The following HERC1 variants were observed in gnomAD, a reference collection of about 807,000 sequenced individuals.
HERC1 encodes probable E3 ubiquitin-protein ligase HERC1.
HERC1 carries 160 observed loss-of-function variants against 554.3 expected under a neutral mutation model. The ratio of observed to expected loss-of-function variants is 0.29; its 90% CI spans 0.25 to 0.33. The LOEUF (loss-of-function observed/expected upper bound fraction) is 0.33. Among genes scored for constraint, HERC1 ranks in the 10% least tolerant of loss-of-function variants. HERC1 has a pLI of 1.00. For synonymous variants in HERC1, 2,175 were observed against 2,131.7 expected (o/e 1.02, Z -0.56); for missense variants, 4,919 against 5,918.5 (o/e 0.83, Z 5.54).
In HERC1 at chr15:63,645,057, G is replaced by C. The variant is rs1595883586; in HGVS notation, c.11119C>G (p.Gln3707Glu). 6.2e-7 allele frequency: 1 copy of C among 1,613,802 alleles called. No individual in the cohort carries two copies. The change falls in exon 57 of 78, where the codon CAA becomes GAA. Residue 3707 changes from glutamine (Q) to glutamate (E), a missense_variant. Around this residue, in one of 11 missense-constraint regions of HERC1, gnomAD observed 1,963 missense variants for 2,228.6 expected, o/e 0.88. Transcript: ENST00000443617. ...GTCACATTGGTCTGTGTAGTATCTT[G>C]AGGAATGCGCCAAACACATACTAAG... The part of the protein sequence containing the change: ...SGLVCVWRIP[Q>E]DTTQTNVTSA...
In HERC1 at chr15:63,718,094, A is replaced by AC. The variant is rs1309934257; in HGVS notation, c.3978+479dup. ...GGCAGCTATTATGTGACACACACAC[A>AC]CACACACACACACACACACACACAC... is the stretch of plus-strand genomic sequence containing the variant. On this transcript the variant is annotated intron_variant, in intron 21 of 77. Coordinates refer to ENST00000443617, the MANE Select transcript of HERC1 (RefSeq NM_003922.4). This position sits in a 1 kb window ranked among gnomAD's most constrained non-coding sequence, Gnocchi z 4.2. Among the ~76,000 whole-genome samples the AC allele has an allele frequency of 4.1e-5, 4 of 97,268 alleles. No individual in the cohort carries two copies. Among genetic ancestry groups the AC allele is most frequent in the African/African-American group, 1.6e-4 (4 of 25,344 alleles). 63.8% of individuals were successfully genotyped at this position (97,268 alleles called of 152,430 possible).
chr15:63,687,600 G>A (rs2071848399), intron 33 of HERC1, among the ~76,000 whole-genome samples: 2 of 152,044 alleles, frequency 1.3e-5, no homozygotes, highest in African/African-American at 4.8e-5. Context: ...CATTTATTAA[G>A]CATCTCTATT....
intron 8 of HERC1, among the ~76,000 whole-genome samples, chr15:63,750,834 G>A (rs2075215158): frequency 2.0e-5 from 3 of 152,162 alleles, no homozygotes; most frequent in African/African-American, 7.2e-5. Flanking sequence ...TCGGGAGCTG[G>A]GATGGGGAAG....
chr15:63,717,495 A>T (rs755210169), intron 21 of HERC1, among the ~76,000 whole-genome samples: 17 of 152,254 alleles, frequency 1.1e-4, no homozygotes, highest in Non-Finnish European at 1.8e-4. Context: ...CATGTTATCA[A>T]GATTACCAAG....
chr15:63,798,515 A>G (rs1181668944), intron 1 of HERC1, among the ~76,000 whole-genome samples: 1 of 151,358 alleles, frequency 6.6e-6, no homozygotes, highest in African/African-American at 2.4e-5. Context: ...TTCACTTACT[A>G]AAGTCCTTCC....
At chr15:63,662,577 A>G (rs145632417) in intron 44 of HERC1, among the ~76,000 whole-genome samples, 45 of 152,346 alleles carry the variant, frequency 3.0e-4, no homozygotes, top group African/African-American at 9.9e-4. Flanking sequence ...GGTTCCTAGA[A>G]TAAGGCATTA....
intron 3 of HERC1, among the ~76,000 whole-genome samples, chr15:63,763,408 A>C (rs994334882): frequency 3.3e-5 from 5 of 152,186 alleles, no homozygotes; most frequent in Non-Finnish European, 5.9e-5. Flanking sequence ...AATTTATAGG[A>C]AATACAGAGG....
At chr15:63,773,808 G>A (rs1031353160) in intron 2 of HERC1, among the ~76,000 whole-genome samples, 1 of 152,078 alleles carries the variant, frequency 6.6e-6, no homozygotes, top group African/African-American at 2.4e-5. Flanking sequence ...CTTCCCAAAA[G>A]TGCTGGGATT....
At chr15:63,720,361 A>G (rs1175163652) in intron 19 of HERC1, among the ~76,000 whole-genome samples, 1 of 152,006 alleles carries the variant, frequency 6.6e-6, no homozygotes, top group East Asian at 1.9e-4. Flanking sequence ...TGGGAGAGTT[A>G]TTGTCCACCC....
At chr15:63,638,657 A>G in intron 62 of HERC1, 54 bp downstream of exon 62, 1 of 1,587,808 alleles carries the variant, frequency 6.3e-7, no homozygotes, top group South Asian at 1.1e-5. Flanking sequence ...ACAAGCATTT[A>G]GAATCAAAAC....
chr15:63,661,612 T>C (rs2070363027), intron 45 of HERC1, 141 bp downstream of exon 45: 3 of 808,030 alleles, frequency 3.7e-6, no homozygotes, highest in Non-Finnish European at 5.9e-6. Flanking sequence ...AACCCCTCCA[T>C]CCCTTCTGCC....
chr15:63,675,989 T>C (rs2071183003), intron 37 of HERC1, among the ~76,000 whole-genome samples: 1 of 151,540 alleles, frequency 6.6e-6, no homozygotes, highest in Admixed American at 6.6e-5. Flanking sequence ...CTGCAACCTC[T>C]GACTACTGAG....
intron 64 of HERC1, among the ~76,000 whole-genome samples, chr15:63,636,525 C>A (rs1041934854): frequency 6.6e-6 from 1 of 152,132 alleles, no homozygotes; most frequent in African/African-American, 2.4e-5. Flanking sequence ...CCCACCTCGG[C>A]CTCCCAAAGC....
In HERC1 at chr15:63,674,850, A is replaced by G; in HGVS notation, c.7338T>C (p.Ser2446=). 6.2e-7 allele frequency: 1 copy of G among 1,613,754 alleles called. No individual in the cohort carries two copies. Among genetic ancestry groups the G allele is most frequent in the Non-Finnish European group, 8.5e-7 (1 of 1,179,744 alleles). Reference sequence around the variant, plus strand: ...TGGTACTCTGACTTTTGACGTCATCAGATGTTAGGCCTGTTCGCATATCTA... The same window carrying G: ...TGGTACTCTGACTTTTGACGTCATCGGATGTTAGGCCTGTTCGCATATCTA... ...SALDMRTGLT[S]DDVKSQSTTS... is the part of the protein sequence containing the mutation. Residue 2446 remains serine (S), a synonymous_variant, in exon 38 of 78, where the codon TCT becomes TCC. Transcript: ENST00000443617.
At chr15:63,711,376 TAAA>T (rs1308106213) in intron 24 of HERC1, among the ~76,000 whole-genome samples, 3 of 152,070 alleles carry the variant, frequency 2.0e-5, no homozygotes, top group African/African-American at 7.2e-5. Context: ...TGATCAGATT[TAAA>T]AAATTAACTG....
Position 63,694,624 on chromosome 15 carries a change from A to C in HERC1, c.5243-75T>G. The stretch of plus-strand genomic sequence containing the variant: ...TTTATTAAAATGAATAATTTTCTAA[A>C]ATATTAATAACATGAAACACTAAAT... On this transcript the variant is annotated intron_variant, in intron 28 of 77. Transcript: ENST00000443617. This position sits in a 1 kb window ranked among gnomAD's most constrained non-coding sequence, Gnocchi z 4.3. 1 of 1,440,216 alleles carries C rather than the reference A, an allele frequency of 6.9e-7. No individual in the cohort carries two copies. The highest frequency in any genetic ancestry group is 1.9e-5 in the Admixed American group (1 of 53,828). 89.2% of individuals were successfully genotyped at this position (1,440,216 alleles called of 1,614,324 possible).
intron 2 of HERC1, among the ~76,000 whole-genome samples, chr15:63,769,751 G>A (rs1294961619): frequency 6.6e-6 from 1 of 152,010 alleles, no homozygotes; most frequent in East Asian, 1.9e-4. Flanking sequence ...AGCTACTTGG[G>A]AAGTTGAGGC....
chr15:63,709,773 C>CA (rs766622714), intron 24 of HERC1, among the ~76,000 whole-genome samples: 48 of 152,114 alleles, frequency 3.2e-4, no homozygotes, highest in East Asian at 5.8e-4. Flanking sequence ...AAATAAAAAC[C>CA]AAAAAATCCT....
Position 63,615,924 on chromosome 15 carries a change from G to T in HERC1, c.13942-4C>A, listed in dbSNP as rs761797214. 1 of 1,577,168 alleles carries T rather than the reference G, an allele frequency of 6.3e-7. No individual in the cohort carries two copies. Among genetic ancestry groups the T allele is most frequent in the African/African-American group, 1.4e-5 (1 of 73,354 alleles). On this transcript the variant is annotated splice_region_variant and splice_polypyrimidine_tract_variant and intron_variant, in intron 75 of 77. Transcript: ENST00000443617. ...CAAAAGAATCAAGAGGAATCATCTA[G>T]GAACAGAAGAAAACAGAATTTTTAT...
Sources: gnomAD v4.1 joint callset for allele counts (sites outside exome capture counted in the v4.1 genomes callset) on GRCh38, gnomAD v4.1.1 for gene constraint, gnomAD v4.1.1 regional missense constraint, Gnocchi (gnomAD v3.1) non-coding constraint, MANE v1.5 for transcripts, NCBI Gene and HGNC (gene_info 2026-07-23, HGNC 2026-07-21) for gene names.